GPR61: variants seen among roughly 807,000 people sequenced by gnomAD.
The protein encoded by GPR61 is G protein-coupled receptor 61.
In GPR61, 15 loss-of-function variants were observed where a neutral mutation model predicts 29.2. The observed-to-expected ratio is 0.51, with a 90% CI of 0.34 to 0.79. The LOEUF is 0.79. Among genes scored for constraint, GPR61 ranks in the 30% least tolerant of loss-of-function variants. The pLI, the probability that GPR61 is intolerant of heterozygous loss-of-function variation, is 0.01. For synonymous variants in GPR61, 238 were observed against 242.3 expected (o/e 0.98, Z 0.17); for missense variants, 399 against 582.5 (o/e 0.69, Z 3.24).
rs1647792878 is a variant in GPR61 at position 109,546,193 on chromosome 1, T to C, written c.*1815T>C. The stretch of plus-strand genomic sequence containing the variant: ...AAACTGGGCAAACAGCTTTCCCCCT[T>C]TGTTCTAGGAAAATTTCTAGGTTGT... On this transcript the variant is annotated 3_prime_UTR_variant, in exon 2 of 2. Coordinates refer to ENST00000527748, the MANE Select transcript of GPR61 (RefSeq NM_001393907.1). The C allele has an allele frequency of 6.6e-6, 1 of 152,160 alleles. No homozygotes were observed. Among genetic ancestry groups the C allele is most frequent in the Non-Finnish European group, 1.5e-5 (1 of 68,036 alleles). The allele number at this position is 152,160 out of a possible 1,614,324, so 9.4% of individuals were successfully genotyped here.
chr1:109,543,046 G>A lies in GPR61; in HGVS notation c.24G>A (p.Gln8=). MESSPIP[Q]SSGNSSTLGR... is the part of the protein sequence containing the mutation. Reference sequence around the variant, plus strand: ...CCATGGAGTCCTCACCCATCCCCCAGTCATCAGGGAACTCTTCCACTTTGG... The same window carrying A: ...CCATGGAGTCCTCACCCATCCCCCAATCATCAGGGAACTCTTCCACTTTGG... Residue 8 remains glutamine (Q), a synonymous_variant, in exon 2 of 2, where the codon CAG becomes CAA. Transcript: ENST00000527748. The surrounding 1 kb of genome is among the most constrained non-coding windows in gnomAD (Gnocchi z 6.8). 1 of 1,547,608 alleles carries A rather than the reference G, an allele frequency of 6.5e-7. No individual in the cohort carries two copies. The highest frequency in any genetic ancestry group is 8.7e-7 in the Non-Finnish European group (1 of 1,145,732).
Position 109,542,991 on chromosome 1 carries a change from A to C in GPR61, c.-32A>C. 1 of 1,554,002 alleles carries C rather than the reference A, an allele frequency of 6.4e-7. No individual in the cohort carries two copies. The highest frequency in any genetic ancestry group is 8.7e-7 in the Non-Finnish European group (1 of 1,148,180). On this transcript the variant is annotated 5_prime_UTR_variant, in exon 2 of 2. Transcript: ENST00000527748. ...CTAGGATGGGGGATGGGCCTGTGAC[A>C]GGAGGTACCCTGGGTGCCCTCTTTC...
At chr1:109,542,351 T>G in intron 1 of GPR61, 71 bp from the exon 2 acceptor site, 2 of 263,826 alleles carry the variant, frequency 7.6e-6, no homozygotes, top group South Asian at 8.6e-5. Flanking sequence ...GTCATTAGTA[T>G]TATTATTAAC....
rs746985243 is a variant in GPR61 at position 109,543,239 on chromosome 1, C to T, written c.217C>T (p.Leu73Phe). Reference protein sequence around the residue: ...VMAVIAKTPALRKFVFVFHLC... With the variant: ...VMAVIAKTPAFRKFVFVFHLC... ...GGCCGTGATCGCCAAGACGCCTGCC[C>T]TCCGAAAATTTGTCTTCGTCTTCCA... Residue 73 changes from leucine to phenylalanine, a missense_variant, in exon 2 of 2, where the codon CTC becomes TTC. Transcript: ENST00000527748. This position sits in a 1 kb window ranked among gnomAD's most constrained non-coding sequence, Gnocchi z 6.8. The T allele has an allele frequency of 7.4e-6, 12 of 1,614,196 alleles. No individual in the cohort carries two copies. The highest frequency in any genetic ancestry group is 6.8e-6 in the Non-Finnish European group (8 of 1,180,042).
chr1:109,545,631 G>T lies in GPR61; in HGVS notation c.*1253G>T, dbSNP rs1323374371. On this transcript the variant is annotated 3_prime_UTR_variant, in exon 2 of 2. Transcript: ENST00000527748. The stretch of plus-strand genomic sequence containing the variant: ...CAGGGAATAACTGCAAACTGGACAG[G>T]ACACCCATCTGGGACCACCTGTCCA... 6.6e-6 allele frequency: 1 copy of T among 152,170 alleles called. No homozygotes were observed. Among genetic ancestry groups the T allele is most frequent in the South Asian group, 2.1e-4 (1 of 4,832 alleles). 9.4% of individuals were successfully genotyped at this position (152,170 alleles called of 1,614,324 possible). A position where few individuals can be genotyped will look rare whatever the true frequency, so the allele number is the denominator to read the frequency against.
At chr1:109,541,478 G>T (rs1218732956) in intron 1 of GPR61, among the ~76,000 whole-genome samples, 3 of 152,256 alleles carry the variant, frequency 2.0e-5, no homozygotes, top group Non-Finnish European at 4.4e-5. Context: ...TAAGGTTTAT[G>T]GAAACACCAA....
At position 109,544,068 on chromosome 1, in the gene GPR61, G is replaced by A. The variant is rs531272935; in HGVS notation, c.1046G>A (p.Arg349Gln). 3.7e-6 allele frequency: 6 copies of A among 1,614,074 alleles called. No homozygotes were observed. The highest frequency in any genetic ancestry group is 2.2e-5 in the East Asian group (1 of 44,890). Residue 349 changes from arginine to glutamine, a missense_variant, in exon 2 of 2, where the codon CGG becomes CAG. By Grantham distance (43) the Arg-to-Gln change is conservative. Around this residue, in one of 3 missense-constraint regions of GPR61, gnomAD observed 320 missense variants for 459.8 expected, o/e 0.70. Transcript: ENST00000527748. This position sits in a 1 kb window ranked among gnomAD's most constrained non-coding sequence, Gnocchi z 4.6. ...FFYGCLNRQI[R>Q]GELSKQFVCF... ...TATGGATGTCTCAACCGGCAGATCC[G>A]GGGGGAGCTCAGCAAGCAGTTTGTC...
rs1647694745 is a variant in GPR61 at position 109,543,331 on chromosome 1, C to T, written c.309C>T (p.Ala103=). 6.2e-7 allele frequency: 1 copy of T among 1,613,714 alleles called. No homozygotes were observed. Among genetic ancestry groups the T allele is most frequent in the African/African-American group, 1.3e-5 (1 of 74,968 alleles). ...CCCTGGCCATGCTCTCCAGCTCTGCCCTCTTTGACCACGCCCTCTTTGGGG... is the reference window on the plus strand; with the variant it reads ...CCCTGGCCATGCTCTCCAGCTCTGCTCTCTTTGACCACGCCCTCTTTGGGG... The part of the protein sequence containing the change: ...LMPLAMLSSS[A]LFDHALFGEV... The change falls in exon 2 of 2, where the codon GCC becomes GCT. Residue 103 remains alanine (A), a synonymous_variant. Coordinates refer to ENST00000527748, the MANE Select transcript of GPR61 (RefSeq NM_001393907.1). The surrounding 1 kb of genome is among the most constrained non-coding windows in gnomAD (Gnocchi z 6.8).
chr1:109,543,000 C>T lies in GPR61; in HGVS notation c.-23C>T, dbSNP rs1427615714. ...GGGATGGGCCTGTGACAGGAGGTAC[C>T]CTGGGTGCCCTCTTTCGGCCCCATG... On this transcript the variant is annotated 5_prime_UTR_variant, in exon 2 of 2. Coordinates refer to ENST00000527748, the MANE Select transcript of GPR61 (RefSeq NM_001393907.1). The T allele has an allele frequency of 5.2e-6, 8 of 1,548,130 alleles. No individual in the cohort carries two copies. Among genetic ancestry groups the T allele is most frequent in the South Asian group, 1.2e-5 (1 of 80,884 alleles).
At position 109,542,598 on chromosome 1, in the gene GPR61, G is replaced by A. The variant is rs767099960; in HGVS notation, c.-425G>A. ...CCTAAAACTGAGGCACTATCCCAGAGATCAGCAGGACCCTGGGAAGGAGAA... is the reference window on the plus strand; with the variant it reads ...CCTAAAACTGAGGCACTATCCCAGAAATCAGCAGGACCCTGGGAAGGAGAA... On this transcript the variant is annotated 5_prime_UTR_variant, in exon 2 of 2. Coordinates refer to ENST00000527748, the MANE Select transcript of GPR61 (RefSeq NM_001393907.1). 2.3e-6 allele frequency: 1 copy of A among 437,198 alleles called. No homozygotes were observed. Among genetic ancestry groups the A allele is most frequent in the South Asian group, 1.6e-5 (1 of 63,096 alleles). The allele number at this position is 437,198 out of a possible 1,614,324, so 27.1% of individuals were successfully genotyped here.
chr1:109,543,513 T>C lies in GPR61; in HGVS notation c.491T>C (p.Val164Ala). The change falls in exon 2 of 2, where the codon GTG becomes GCG. Residue 164 changes from valine to alanine, a missense_variant. Physicochemically the swap from Val to Ala is moderately conservative, Grantham distance 64. Coordinates refer to ENST00000527748, the MANE Select transcript of GPR61 (RefSeq NM_001393907.1). The surrounding 1 kb of genome is among the most constrained non-coding windows in gnomAD (Gnocchi z 6.8). ...CTGGGGCTGGTGGCCTCTGTGCTGGTGGGTGTGTGGGTGAAGGCCTTGGCC... is the reference window on the plus strand; with the variant it reads ...CTGGGGCTGGTGGCCTCTGTGCTGGCGGGTGTGTGGGTGAAGGCCTTGGCC... Reference protein sequence around the residue: ...MTLGLVASVLVGVWVKALAMA... With the variant: ...MTLGLVASVLAGVWVKALAMA... 1 of 1,614,008 alleles carries C rather than the reference T, an allele frequency of 6.2e-7. No homozygotes were observed. The highest frequency in any genetic ancestry group is 8.5e-7 in the Non-Finnish European group (1 of 1,179,944).
At chr1:109,541,621 T>A (rs759095863) in intron 1 of GPR61, among the ~76,000 whole-genome samples, 47 of 152,350 alleles carry the variant, frequency 3.1e-4, no homozygotes, top group Admixed American at 2.5e-3. Flanking sequence ...TCCCTACTTC[T>A]TGTTCTGTGA....
intron 1 of GPR61, among the ~76,000 whole-genome samples, chr1:109,541,603 GT>G (rs1192201178): frequency 6.6e-6 from 1 of 152,204 alleles, no homozygotes; most frequent in East Asian, 1.9e-4. Flanking sequence ...AGCAACCTCA[GT>G]GTCTCCTCCC....
Position 109,546,708 on chromosome 1 carries a change from C to G in GPR61, c.*2330C>G, listed in dbSNP as rs1411893652. On this transcript the variant is annotated 3_prime_UTR_variant, in exon 2 of 2. Coordinates refer to ENST00000527748, the MANE Select transcript of GPR61 (RefSeq NM_001393907.1). ...AGTTTGACATACATGGGTTCATTTG[C>G]CATTTATTTTTCCCTGTAGGAGTGG... 1.3e-5 allele frequency: 2 copies of G among 152,132 alleles called. No homozygotes were observed. Among genetic ancestry groups the G allele is most frequent in the Non-Finnish European group, 2.9e-5 (2 of 68,016 alleles). The allele number at this position is 152,132 out of a possible 1,614,324, so 9.4% of individuals were successfully genotyped here.
Position 109,542,814 on chromosome 1 carries a change from C to G in GPR61, c.-209C>G. ...TCACCAAGGCAGACCCTGCAGCTAC[C>G]TCCGGCCAGAAAGGGGATGAGCTTC... On this transcript the variant is annotated 5_prime_UTR_variant, in exon 2 of 2. Transcript: ENST00000527748. 1.3e-6 allele frequency: 1 copy of G among 742,354 alleles called. No individual in the cohort carries two copies. Among genetic ancestry groups the G allele is most frequent in the Non-Finnish European group, 2.4e-6 (1 of 423,372 alleles). The allele number at this position is 742,354 out of a possible 1,614,324, so 46.0% of individuals were successfully genotyped here.
chr1:109,542,733 C>A lies in GPR61; in HGVS notation c.-290C>A. On this transcript the variant is annotated 5_prime_UTR_variant, in exon 2 of 2. Coordinates refer to ENST00000527748, the MANE Select transcript of GPR61 (RefSeq NM_001393907.1). ...GAAGAGGTGAAGGCCATTCCGAAAG[C>A]GGAGTGTTGAGTGGGTCAGGCTCCT... is the stretch of plus-strand genomic sequence containing the variant. 1.6e-6 allele frequency: 1 copy of A among 629,946 alleles called. No homozygotes were observed. Among genetic ancestry groups the A allele is most frequent in the Non-Finnish European group, 3.0e-6 (1 of 338,522 alleles). The allele number at this position is 629,946 out of a possible 1,614,324, so 39.0% of individuals were successfully genotyped here.
In GPR61 at chr1:109,544,293, A is replaced by C. The variant is rs1014450194; in HGVS notation, c.1271A>C (p.Glu424Ala). 20 of 1,613,798 alleles carry C rather than the reference A, an allele frequency of 1.2e-5. No individual in the cohort carries two copies. Among genetic ancestry groups the C allele is most frequent in the Non-Finnish European group, 1.7e-5 (20 of 1,179,992 alleles). ...GGCCAGATAGCTGAGGAGACCTCTG[A>C]GTTCCTGGAGCAGCAACTCACCAGC... Reference protein sequence around the residue: ...IPGQIAEETSEFLEQQLTSDI... With the variant: ...IPGQIAEETSAFLEQQLTSDI... The change falls in exon 2 of 2, where the codon GAG becomes GCG. Residue 424 changes from glutamate to alanine, a missense_variant. Around this residue, in one of 3 missense-constraint regions of GPR61, gnomAD observed 320 missense variants for 459.8 expected, o/e 0.70. Transcript: ENST00000527748. This position sits in a 1 kb window ranked among gnomAD's most constrained non-coding sequence, Gnocchi z 4.6.
chr1:109,543,622 C>T lies in GPR61; in HGVS notation c.600C>T (p.Ser200=), dbSNP rs1316784315. The T allele has an allele frequency of 3.7e-6, 6 of 1,614,046 alleles. No homozygotes were observed. Among genetic ancestry groups the T allele is most frequent in the Admixed American group, 1.7e-5 (1 of 60,012 alleles). The change falls in exon 2 of 2, where the codon AGC becomes AGT. Residue 200 remains serine (S), a synonymous_variant. Coordinates refer to ENST00000527748, the MANE Select transcript of GPR61 (RefSeq NM_001393907.1). The surrounding 1 kb of genome is among the most constrained non-coding windows in gnomAD (Gnocchi z 6.8). ...SVPPGCSLQW[S]HSAYCQLFVV... ...CCCCAGGCTGTTCACTCCAGTGGAG[C>T]CACAGTGCCTACTGCCAGCTTTTTG... is the stretch of plus-strand genomic sequence containing the variant.
In GPR61 at chr1:109,544,446, G is replaced by C; in HGVS notation, c.*68G>C. ...TATGATTGCAAGGACCACCTTGTGG[G>C]ATCACCTTTTCCCAGCTGGCTAGGG... On this transcript the variant is annotated 3_prime_UTR_variant, in exon 2 of 2. Transcript: ENST00000527748. The surrounding 1 kb of genome is among the most constrained non-coding windows in gnomAD (Gnocchi z 4.6). 8.2e-7 allele frequency: 1 copy of C among 1,221,912 alleles called. No homozygotes were observed. Among genetic ancestry groups the C allele is most frequent in the Middle Eastern group, 2.8e-4 (1 of 3,550 alleles). 75.7% of individuals were successfully genotyped at this position (1,221,912 alleles called of 1,614,324 possible).
Sources: gnomAD v4.1 joint callset for allele counts (sites outside exome capture counted in the v4.1 genomes callset) on GRCh38, gnomAD v4.1.1 for gene constraint, gnomAD v4.1.1 regional missense constraint, Gnocchi (gnomAD v3.1) non-coding constraint, MANE v1.5 for transcripts, NCBI Gene and HGNC (gene_info 2026-07-23, HGNC 2026-07-21) for gene names.